The following NAALADL2 variants were observed in gnomAD, a reference collection of about 807,000 sequenced individuals.
NAALADL2 encodes the protein inactive N-acetylated-alpha-linked acidic dipeptidase-like protein 2.
In NAALADL2, 76 loss-of-function variants were observed where a neutral mutation model predicts 87.2. That is an observed-to-expected ratio of 0.87 (90% confidence interval 0.72 to 1.05). The LOEUF is 1.05. Among genes scored for constraint, NAALADL2 ranks in the 50% least tolerant of loss-of-function variants. NAALADL2 has a pLI of 0.00. For synonymous variants in NAALADL2, 354 were observed against 331.0 expected (o/e 1.07, Z -0.75); for missense variants, 1,089 against 945.8 (o/e 1.15, Z -1.99).
At chr3:174,614,627 CT>C (rs1720266515) in intron 2 of NAALADL2, among the ~76,000 whole-genome samples, 1 of 152,120 alleles carries the variant, frequency 6.6e-6, no homozygotes, top group Non-Finnish European at 1.5e-5. Flanking sequence ...CTAAGTACCT[CT>C]TTTAGTGATA....
chr3:175,315,367 T>C (rs1303366400), intron 4 of NAALADL2, among the ~76,000 whole-genome samples: 2 of 152,184 alleles, frequency 1.3e-5, no homozygotes, highest in Admixed American at 1.3e-4. Context: ...ATCCCTGTAT[T>C]CATTGAAAAT....
At chr3:174,531,465 T>G (rs1721234438) in intron 1 of NAALADL2, among the ~76,000 whole-genome samples, 1 of 152,188 alleles carries the variant, frequency 6.6e-6, no homozygotes, top group Non-Finnish European at 1.5e-5. Context: ...CAAAGTCTGC[T>G]TTCTCTTTTT....
chr3:174,595,559 C>CCT (rs1045269715), intron 2 of NAALADL2, among the ~76,000 whole-genome samples: 90 of 152,276 alleles, frequency 5.9e-4, no homozygotes, highest in African/African-American at 2.2e-3. Context: ...CCCACCACTT[C>CCT]CTATCAATCC....
chr3:175,336,531 A>T (rs1043951042), intron 5 of NAALADL2, among the ~76,000 whole-genome samples: 25 of 152,202 alleles, frequency 1.6e-4, no homozygotes, highest in African/African-American at 6.0e-4. Context: ...GTAAAAAGTA[A>T]TACAGAAAGT....
chr3:175,306,354 T>C (rs953477637), intron 4 of NAALADL2, among the ~76,000 whole-genome samples: 1 of 152,170 alleles, frequency 6.6e-6, no homozygotes, highest in South Asian at 2.1e-4. Context: ...CAAATACCAT[T>C]AGAAAAATGT....
chr3:174,623,502 T>C (rs942275887), intron 2 of NAALADL2, among the ~76,000 whole-genome samples: 9 of 151,990 alleles, frequency 5.9e-5, no homozygotes, highest in Non-Finnish European at 1.3e-4. Flanking sequence ...ATTTGTTACA[T>C]ACCTTTTTCT....
At chr3:175,566,621 T>G (rs541647816) in intron 9 of NAALADL2, among the ~76,000 whole-genome samples, 2 of 152,168 alleles carry the variant, frequency 1.3e-5, no homozygotes, top group African/African-American at 2.4e-5. Flanking sequence ...TCACAGTCCT[T>G]CAAGACACAG....
At chr3:174,940,307 C>T (rs544874172) in intron 1 of NAALADL2, among the ~76,000 whole-genome samples, 2 of 151,980 alleles carry the variant, frequency 1.3e-5, no homozygotes, top group Middle Eastern at 3.2e-3. Flanking sequence ...TGTGATGAAT[C>T]ACATTTATTG....
chr3:175,192,904 A>G (rs1036840316), intron 2 of NAALADL2, among the ~76,000 whole-genome samples: 7 of 151,782 alleles, frequency 4.6e-5, no homozygotes, highest in African/African-American at 1.5e-4. Context: ...GATAAAAAAA[A>G]CCCTGCACAT....
chr3:175,598,635 C>G (rs1373954185), intron 10 of NAALADL2, among the ~76,000 whole-genome samples: 3 of 152,034 alleles, frequency 2.0e-5, no homozygotes, highest in Non-Finnish European at 2.9e-5. Flanking sequence ...TGAAGTTTCC[C>G]CGCTATCTCA....
At position 175,096,876 on chromosome 3, in the gene NAALADL2, A is replaced by G. The variant is rs1403544848; in HGVS notation, c.130A>G (p.Thr44Ala). 6.2e-7 allele frequency: 1 copy of G among 1,613,178 alleles called. No individual in the cohort carries two copies. ...QYLDNDDLQA[T>A]ALDLEWDMEK... ...CTTAGACAATGATGACCTTCAAGCC[A>G]CTGCCCTTGACTTAGAGTGGGACAT... Residue 44 changes from threonine to alanine, a missense_variant, in exon 2 of 14, where the codon ACT (threonine) becomes GCT (alanine). Coordinates refer to ENST00000454872, the MANE Select transcript of NAALADL2 (RefSeq NM_207015.3).
At chr3:175,405,721 C>CCTT (rs10663182) in intron 5 of NAALADL2, among the ~76,000 whole-genome samples, 102,754 of 151,652 alleles carry the variant, frequency 0.68, 34,993 homozygotes, top group East Asian at 0.81. Context: ...TTCTTGAACA[C>CCTT]CTATGTTCCT....
intron 10 of NAALADL2, among the ~76,000 whole-genome samples, chr3:175,617,767 G>C (rs1315716004): frequency 6.6e-6 from 1 of 152,164 alleles, no homozygotes; most frequent in Non-Finnish European, 1.5e-5. Flanking sequence ...AACTGAATCA[G>C]GAGCTAGAGA....
At chr3:175,049,171 A>G (rs554087933) in intron 1 of NAALADL2, among the ~76,000 whole-genome samples, 2 of 152,134 alleles carry the variant, frequency 1.3e-5, no homozygotes, top group African/African-American at 4.8e-5. Flanking sequence ...TCATCAAGCC[A>G]TGATGATCTT....
chr3:174,603,236 C>A (rs1718633745), intron 2 of NAALADL2, among the ~76,000 whole-genome samples: 1 of 151,904 alleles, frequency 6.6e-6, no homozygotes, highest in Admixed American at 6.6e-5. Flanking sequence ...GCAATTGGGT[C>A]CCAAGTTTTT....
In NAALADL2 at chr3:175,440,590, G is replaced by C. The variant is rs984536516; in HGVS notation, c.1091-6639G>C. On this transcript the variant is annotated intron_variant, in intron 5 of 13. Coordinates refer to ENST00000454872, the MANE Select transcript of NAALADL2 (RefSeq NM_207015.3). Reference sequence around the variant, plus strand: ...AGTGTTTTGTAGATTTTCTTGTAGAGGTCTTTCACTTCCTTGGTTAAGTAT... The same window carrying C: ...AGTGTTTTGTAGATTTTCTTGTAGACGTCTTTCACTTCCTTGGTTAAGTAT... 2.9e-4 allele frequency among the ~76,000 whole-genome samples: 44 copies of C among 152,152 alleles called. 4 individuals are homozygous for C. The highest frequency in any genetic ancestry group is 1.5e-3 in the Admixed American group (23 of 15,256).
chr3:174,970,392 T>C lies in NAALADL2; in HGVS notation c.43+110942T>C, dbSNP rs555956736. Among the ~76,000 whole-genome samples the C allele has an allele frequency of 4.6e-5, 7 of 152,272 alleles. No individual in the cohort carries two copies. The East Asian group carries it at 1.4e-3, about 29-fold the overall frequency. On this transcript the variant is annotated intron_variant, in intron 1 of 13. Coordinates refer to ENST00000454872, the MANE Select transcript of NAALADL2 (RefSeq NM_207015.3). ...AGGGTTTCATTAAATAAAAACAGAC[T>C]AAAGACCTGGATTAGCAAGAAAAAG...
chr3:175,069,859 G>A (rs1177947975), intron 1 of NAALADL2, among the ~76,000 whole-genome samples: 1 of 143,472 alleles, frequency 7.0e-6, no homozygotes, highest in Non-Finnish European at 1.5e-5. Flanking sequence ...CATGTCCTTT[G>A]TAGGGACATG....
chr3:174,544,305 G>A (rs1050323718), intron 1 of NAALADL2, among the ~76,000 whole-genome samples: 1 of 151,978 alleles, frequency 6.6e-6, no homozygotes, highest in African/African-American at 2.4e-5. Flanking sequence ...TAATTAGAAG[G>A]TTATATCACA....
Sources: gnomAD v4.1 joint callset for allele counts (sites outside exome capture counted in the v4.1 genomes callset) on GRCh38, gnomAD v4.1.1 for gene constraint, MANE v1.5 for transcripts, NCBI Gene and HGNC (gene_info 2026-07-23, HGNC 2026-07-21) for gene names.